CCDC178: variants seen among roughly 807,000 people sequenced by gnomAD.
The protein encoded by CCDC178 is coiled-coil domain containing 178.
CCDC178 carries 126 observed loss-of-function variants against 117.4 expected under a neutral mutation model. The observed-to-expected ratio is 1.07, with a 90% CI of 0.93 to 1.24. The LOEUF is 1.24. CCDC178 is among the 50% of genes most tolerant of loss of function. The probability of loss-of-function intolerance (pLI) is 0.00; values close to 1 mark genes in which losing one functional copy is unlikely to be tolerated. For missense variants in CCDC178, 1,030 were observed against 986.9 expected, an observed-to-expected ratio of 1.04 and a Z score of -0.59; for synonymous variants, 283 against 313.4, an observed-to-expected ratio of 0.90 and a Z score of 1.02.
chr18:33,003,636 C>T (rs746018024), intron 21 of CCDC178, among the ~76,000 whole-genome samples: 20 of 152,028 alleles, frequency 1.3e-4, no homozygotes, highest in Non-Finnish European at 2.2e-4. Context: ...ACAAGGATGC[C>T]CTCTTTCACC....
intron 21 of CCDC178, among the ~76,000 whole-genome samples, chr18:32,984,654 T>C (rs1218821485): frequency 2.0e-5 from 3 of 151,756 alleles, no homozygotes; most frequent in Non-Finnish European, 4.4e-5. Flanking sequence ...TCTAAAATTA[T>C]TGTTCCTTGT....
intron 21 of CCDC178, among the ~76,000 whole-genome samples, chr18:33,017,340 A>T (rs2056013164): frequency 6.6e-6 from 1 of 151,958 alleles, no homozygotes; most frequent in Non-Finnish European, 1.5e-5. Context: ...TCATTCCAAC[A>T]AAATAGCATC....
At chr18:33,179,211 G>T (rs532341557) in intron 20 of CCDC178, among the ~76,000 whole-genome samples, 2 of 142,714 alleles carry the variant, frequency 1.4e-5, no homozygotes, top group South Asian at 2.2e-4. Context: ...ATAATCTACT[G>T]CTAAGTGAAA....
intron 20 of CCDC178, among the ~76,000 whole-genome samples, chr18:33,166,443 C>T (rs556249328): frequency 3.6e-4 from 55 of 152,176 alleles, no homozygotes; most frequent in Admixed American, 2.4e-3. Flanking sequence ...AATCTCCCTA[C>T]GGCACTAGAT....
chr18:33,000,912 A>T (rs745667069), intron 21 of CCDC178, among the ~76,000 whole-genome samples: 3 of 152,230 alleles, frequency 2.0e-5, no homozygotes, highest in African/African-American at 7.2e-5. Flanking sequence ...GTATAGAGAC[A>T]AACACAGAAT....
At chr18:33,281,801 ACAATAC>A (rs2060029088) in intron 12 of CCDC178, among the ~76,000 whole-genome samples, 2 of 152,234 alleles carry the variant, frequency 1.3e-5, no homozygotes, top group South Asian at 4.1e-4. Context: ...ATTTGTTATC[ACAATAC>A]CATTTTGCTT....
intron 21 of CCDC178, among the ~76,000 whole-genome samples, chr18:32,988,122 T>G (rs2055306909): frequency 1.4e-5 from 2 of 140,732 alleles, no homozygotes; most frequent in Admixed American, 1.5e-4. Context: ...TAATAATAAA[T>G]TTATCAAAAT....
intron 22 of CCDC178, among the ~76,000 whole-genome samples, chr18:32,973,363 T>C (rs1365227494): frequency 6.6e-6 from 1 of 152,130 alleles, no homozygotes; most frequent in East Asian, 1.9e-4. Flanking sequence ...CCAGCCACAA[T>C]ATAATGTGTT....
chr18:32,947,256 T>C (rs2054378350), intron 22 of CCDC178, among the ~76,000 whole-genome samples: 1 of 152,246 alleles, frequency 6.6e-6, no homozygotes, highest in Non-Finnish European at 1.5e-5. Flanking sequence ...TTATAGAATA[T>C]GCATTAACTC....
chr18:33,323,590 G>T lies in CCDC178; in HGVS notation c.923C>A (p.Ala308Asp), dbSNP rs1324833599. ...TCTGGCATTTTCACAGGCTTCTAAAGCTTCTTCAAGTTCTTCATTAACTTT... is the reference window on the plus strand; with the variant it reads ...TCTGGCATTTTCACAGGCTTCTAAATCTTCTTCAAGTTCTTCATTAACTTT... ...HRKVNEELEE[A>D]LEACENARLK... Residue 308 changes from alanine to aspartate, a missense_variant, in exon 11 of 23, where the codon GCT becomes GAT. Transcript: ENST00000383096. The T allele has an allele frequency of 5.8e-6, 9 of 1,558,400 alleles. No individual in the cohort carries two copies. The highest frequency in any genetic ancestry group is 7.8e-6 in the Non-Finnish European group (9 of 1,152,292).
chr18:33,238,522 A>G (rs1360066237), intron 15 of CCDC178, among the ~76,000 whole-genome samples: 1 of 152,100 alleles, frequency 6.6e-6, no homozygotes, highest in Non-Finnish European at 1.5e-5. Flanking sequence ...AAATAGAATC[A>G]AGAGCTTCAA....
chr18:33,201,798 T>G (rs952993995), intron 20 of CCDC178, among the ~76,000 whole-genome samples: 1 of 152,056 alleles, frequency 6.6e-6, no homozygotes, highest in Non-Finnish European at 1.5e-5. Context: ...TTTTCCAGTC[T>G]CCCTCTAGTG....
chr18:33,082,837 G>C (rs1368706866), intron 21 of CCDC178, among the ~76,000 whole-genome samples: 1 of 151,944 alleles, frequency 6.6e-6, no homozygotes, highest in Non-Finnish European at 1.5e-5. Flanking sequence ...AACAGAAAGT[G>C]ATGATTTTAC....
intron 3 of CCDC178, among the ~76,000 whole-genome samples, chr18:33,406,223 C>T (rs912451505): frequency 1.1e-4 from 16 of 151,820 alleles, no homozygotes; most frequent in East Asian, 3.9e-4. Context: ...TAATTGTAAA[C>T]GGGCTTAAAT....
chr18:33,368,309 A>T (rs1408243991), intron 6 of CCDC178, among the ~76,000 whole-genome samples: 1 of 151,988 alleles, frequency 6.6e-6, no homozygotes, highest in African/African-American at 2.4e-5. Context: ...TGTATGCAGA[A>T]TAGAAAGGTT....
At chr18:33,365,801 C>T (rs934964184) in intron 6 of CCDC178, among the ~76,000 whole-genome samples, 3 of 151,882 alleles carry the variant, frequency 2.0e-5, no homozygotes, top group African/African-American at 7.3e-5. Flanking sequence ...TATTTACAGT[C>T]TAGGCAGTCT....
At chr18:33,260,676 TA>T (rs2059734188) in intron 14 of CCDC178, among the ~76,000 whole-genome samples, 1 of 152,116 alleles carries the variant, frequency 6.6e-6, no homozygotes, top group Non-Finnish European at 1.5e-5. Flanking sequence ...TATTTATTGA[TA>T]TTTTTCTATG....
intron 5 of CCDC178, among the ~76,000 whole-genome samples, chr18:33,384,008 G>C (rs984084850): frequency 6.6e-6 from 1 of 152,086 alleles, no homozygotes; most frequent in East Asian, 1.9e-4. Flanking sequence ...CCAGTTTAGA[G>C]AGGAATATAA....
At chr18:33,071,314 A>T (rs1482530042) in intron 21 of CCDC178, among the ~76,000 whole-genome samples, 1 of 152,166 alleles carries the variant, frequency 6.6e-6, no homozygotes, top group Non-Finnish European at 1.5e-5. Context: ...AGCTGTCTGC[A>T]TTAAAATCAA....
Sources: allele counts gnomAD v4.1 joint callset (sites outside exome capture counted in the v4.1 genomes callset), GRCh38; gene constraint gnomAD v4.1.1; transcripts MANE v1.5; gene names NCBI Gene and HGNC (gene_info 2026-07-23, HGNC 2026-07-21).